Variants in CYP19A1 observed in about 807,000 individuals in gnomAD.
The protein encoded by CYP19A1 is aromatase.
Under a neutral mutation model 44.4 loss-of-function variants are expected in CYP19A1, and 32 were observed. That is an observed-to-expected ratio of 0.72 (90% CI 0.54 to 0.97). The LOEUF (loss-of-function observed/expected upper bound fraction) is 0.97. Among genes scored for constraint, CYP19A1 ranks in the 50% least tolerant of loss-of-function variants. The probability of loss-of-function intolerance (pLI) is 0.00; values close to 1 mark genes in which losing one functional copy is unlikely to be tolerated. For synonymous variants in CYP19A1, 212 were observed against 215.6 expected, an observed-to-expected ratio of 0.98 and a Z score of 0.14; for missense variants, 598 against 637.8, an observed-to-expected ratio of 0.94 and a Z score of 0.67.
chr15:51,309,522 TC>T (rs2141010716), intron 1 of CYP19A1, among the ~76,000 whole-genome samples: 1 of 152,328 alleles, frequency 6.6e-6, no homozygotes. Context: ...TGTCTTCACT[TC>T]CCTTTTGAGT....
At chr15:51,216,221 C>A (rs984259327) in intron 6 of CYP19A1, among the ~76,000 whole-genome samples, 2 of 152,050 alleles carry the variant, frequency 1.3e-5, no homozygotes, top group African/African-American at 4.8e-5. Context: ...AACCTCCATT[C>A]CCTTGTCTTA....
At position 51,234,135 on chromosome 15, in the gene CYP19A1, T is replaced by C. The variant is rs562787608; in HGVS notation, c.296+2724A>G. ...AAATAAAAATCTTTCTGAGGTCCAA[T>C]GGGGTCTTTTCAAGAGGTACGGGGA... On this transcript the variant is annotated intron_variant, in intron 3 of 9. Transcript: ENST00000396402. Among the ~76,000 whole-genome samples, 4 of 152,050 alleles carry C rather than the reference T, an allele frequency of 2.6e-5. No individual in the cohort carries two copies. The East Asian group carries it at 7.7e-4, about 29-fold the overall frequency.
chr15:51,291,224 G>A (rs993246482), intron 1 of CYP19A1, among the ~76,000 whole-genome samples: 15 of 152,170 alleles, frequency 9.9e-5, no homozygotes. Flanking sequence ...GTAGTGGCGG[G>A]CAGAGAGGAT....
intron 9 of CYP19A1, 49 bp downstream of exon 9, chr15:51,212,271 G>T: frequency 7.6e-7 from 1 of 1,312,294 alleles, no homozygotes; most frequent in Non-Finnish European, 1.1e-6. Flanking sequence ...GGATTTAACA[G>T]TTGACATTTT....
chr15:51,311,491 G>A (rs1400439047), intron 1 of CYP19A1, among the ~76,000 whole-genome samples: 3 of 152,082 alleles, frequency 2.0e-5, no homozygotes, highest in African/African-American at 7.2e-5. Context: ...AATACCAAAT[G>A]GTCTAATGTT....
Position 51,216,454 on chromosome 15 carries a change from T to C in CYP19A1, c.744-637A>G, listed in dbSNP as rs556592529. ...TTTTAGTAAAGACAGAGTTTCACCA[T>C]GTTGGTCAGGTTGGTCTCAAACTCC... On this transcript the variant is annotated intron_variant, in intron 6 of 9. Coordinates refer to ENST00000396402, the MANE Select transcript of CYP19A1 (RefSeq NM_000103.4). 4.3e-3 allele frequency among the ~76,000 whole-genome samples: 652 copies of C among 152,306 alleles called. 3 individuals carry two copies. The highest frequency in any genetic ancestry group is 7.7e-3 in the Non-Finnish European group (522 of 68,004).
chr15:51,336,948 C>A (rs2036786774), intron 1 of CYP19A1, among the ~76,000 whole-genome samples: 1 of 151,512 alleles, frequency 6.6e-6, no homozygotes, highest in Non-Finnish European at 1.5e-5. Flanking sequence ...AGTAGCAGCC[C>A]ATTCTGTGAA....
chr15:51,234,810 A>G (rs2033279718), intron 3 of CYP19A1, among the ~76,000 whole-genome samples: 1 of 152,236 alleles, frequency 6.6e-6, no homozygotes, highest in Non-Finnish European at 1.5e-5. Flanking sequence ...GTTCTGATCT[A>G]AAAGTGGGGG....
chr15:51,330,589 T>G (rs2036684748), intron 1 of CYP19A1, among the ~76,000 whole-genome samples: 1 of 152,140 alleles, frequency 6.6e-6, no homozygotes, highest in Admixed American at 6.5e-5. Context: ...GGTTTGGGTA[T>G]GTGGTGGTCA....
intron 1 of CYP19A1, among the ~76,000 whole-genome samples, chr15:51,314,440 C>T (rs963885159): frequency 6.6e-6 from 1 of 152,134 alleles, no homozygotes; most frequent in Admixed American, 6.5e-5. Context: ...ACATAGGTGG[C>T]CCGGGGGTCC....
At chr15:51,310,437 A>T (rs2036291246) in intron 1 of CYP19A1, among the ~76,000 whole-genome samples, 1 of 152,180 alleles carries the variant, frequency 6.6e-6, no homozygotes, top group African/African-American at 2.4e-5. Flanking sequence ...TTCTGGATAG[A>T]TAATCTGGAA....
intron 3 of CYP19A1, among the ~76,000 whole-genome samples, chr15:51,232,137 T>C (rs2033084464): frequency 6.6e-6 from 1 of 152,242 alleles, no homozygotes; most frequent in Non-Finnish European, 1.5e-5. Context: ...GCCTTCTTTA[T>C]GGCAAACTCC....
chr15:51,238,354 A>T (rs28757167), intron 2 of CYP19A1, among the ~76,000 whole-genome samples: 1 of 152,232 alleles, frequency 6.6e-6, no homozygotes, highest in African/African-American at 2.4e-5. Flanking sequence ...ACTTTTAATC[A>T]ATTAATATAT....
chr15:51,227,421 C>T (rs1325619206), intron 4 of CYP19A1, among the ~76,000 whole-genome samples: 4 of 152,174 alleles, frequency 2.6e-5, no homozygotes, highest in Admixed American at 2.0e-4. Context: ...AATCCCAGCA[C>T]TTTGGGAGGC....
chr15:51,305,936 T>C (rs1445309722), intron 1 of CYP19A1, among the ~76,000 whole-genome samples: 1 of 152,060 alleles, frequency 6.6e-6, no homozygotes, highest in East Asian at 1.9e-4. Flanking sequence ...AAGAGGGAAG[T>C]AAATGTTGAG....
intron 1 of CYP19A1, among the ~76,000 whole-genome samples, chr15:51,250,766 G>A (rs750304387): frequency 3.3e-5 from 5 of 151,362 alleles, no homozygotes; most frequent in Non-Finnish European, 5.9e-5. Flanking sequence ...GAGGCAGAAA[G>A]GGCCAGTTGG....
At chr15:51,313,580 T>C (rs1383627220) in intron 1 of CYP19A1, among the ~76,000 whole-genome samples, 2 of 152,150 alleles carry the variant, frequency 1.3e-5, no homozygotes, top group Admixed American at 6.5e-5. Context: ...GGGGATCACT[T>C]GAGGTCAGGA....
At chr15:51,275,790 T>C (rs569889752) in intron 1 of CYP19A1, among the ~76,000 whole-genome samples, 9 of 152,322 alleles carry the variant, frequency 5.9e-5, no homozygotes, top group African/African-American at 1.9e-4. Context: ...CATGTAGTTA[T>C]TGAACAAGTT....
At chr15:51,337,697 G>T (rs2036799556) in intron 1 of CYP19A1, 1 of 152,508 alleles carries the variant, frequency 6.6e-6, no homozygotes, top group South Asian at 2.1e-4. Flanking sequence ...AGGTCACTGT[G>T]TGGCACTGCG....
Sources: gnomAD v4.1 joint callset for allele counts (sites outside exome capture counted in the v4.1 genomes callset) on GRCh38, gnomAD v4.1.1 for gene constraint, MANE v1.5 for transcripts, NCBI Gene and HGNC (gene_info 2026-07-23, HGNC 2026-07-21) for gene names.